Variants in MED13L observed in about 807,000 individuals in gnomAD.
MED13L encodes the protein mediator of RNA polymerase II transcription subunit 13-like.
Under a neutral mutation model 220.9 loss-of-function variants are expected in MED13L, and 7 were observed. That is an observed-to-expected ratio of 0.03 (90% CI 0.02 to 0.06). The LOEUF (loss-of-function observed/expected upper bound fraction) is 0.06, where lower values mean the gene tolerates loss of function less well. Among genes scored for constraint, MED13L ranks in the 10% least tolerant of loss-of-function variants. The pLI, the probability that MED13L is intolerant of heterozygous loss-of-function variation, is 1.00. For missense variants in MED13L, 1,965 were observed against 2,760.5 expected, an observed-to-expected ratio of 0.71 and a Z score of 6.46; for synonymous variants, 1,011 against 1,015.2, an observed-to-expected ratio of 1.00 and a Z score of 0.08.
intron 4 of MED13L, among the ~76,000 whole-genome samples, chr12:116,067,937 G>C (rs1259252957): frequency 6.6e-6 from 1 of 152,156 alleles, no homozygotes; most frequent in Admixed American, 6.5e-5. Context: ...AATTACACTA[G>C]CTTATCCAAA....
chr12:116,230,340 C>T, intron 2 of MED13L: 1 of 289,722 alleles, frequency 3.5e-6, no homozygotes, highest in Non-Finnish European at 5.2e-6. Flanking sequence ...GCAGAGGCTG[C>T]CATGAGCCAA....
intron 7 of MED13L, among the ~76,000 whole-genome samples, chr12:116,016,303 A>C (rs913076060): frequency 2.0e-5 from 3 of 151,918 alleles, no homozygotes; most frequent in African/African-American, 7.2e-5. Context: ...ACGTCTATTT[A>C]AAAAAAAGAC....
At chr12:116,180,565 G>T (rs562273840) in intron 2 of MED13L, among the ~76,000 whole-genome samples, 1 of 152,118 alleles carries the variant, frequency 6.6e-6, no homozygotes, top group Non-Finnish European at 1.5e-5. Flanking sequence ...GGTCCCAAGC[G>T]TTTCAAATAG....
At chr12:116,092,493 G>A (rs557691087) in intron 4 of MED13L, among the ~76,000 whole-genome samples, 3 of 152,232 alleles carry the variant, frequency 2.0e-5, no homozygotes, top group South Asian at 4.1e-4. Context: ...GGAGATAAAG[G>A]GGAGGGGAGG....
At chr12:116,257,253 T>C (rs1400672364) in intron 1 of MED13L, among the ~76,000 whole-genome samples, 2 of 152,210 alleles carry the variant, frequency 1.3e-5, no homozygotes, top group Non-Finnish European at 2.9e-5. Flanking sequence ...GTATATTATT[T>C]ACGAGGCAGG....
At chr12:116,034,419 A>C (rs1881047795) in intron 4 of MED13L, among the ~76,000 whole-genome samples, 3 of 152,182 alleles carry the variant, frequency 2.0e-5, no homozygotes, top group South Asian at 4.1e-4. Flanking sequence ...TAAAGCTCTG[A>C]TAGTCCAGCG....
At chr12:116,098,644 T>G (rs1305331950) in intron 3 of MED13L, among the ~76,000 whole-genome samples, 1 of 152,160 alleles carries the variant, frequency 6.6e-6, no homozygotes, top group Non-Finnish European at 1.5e-5. Flanking sequence ...GGAGAACCAA[T>G]GTACCAAAAA....
At chr12:116,171,450 A>G (rs1303716867) in intron 2 of MED13L, among the ~76,000 whole-genome samples, 3 of 152,222 alleles carry the variant, frequency 2.0e-5, no homozygotes, top group Non-Finnish European at 4.4e-5. Flanking sequence ...TTCTGCCTAC[A>G]GTGGAAACTA....
In MED13L at chr12:116,120,477, TCACACACACACACACACACACACACA is replaced by T. The variant is rs1158069310; in HGVS notation, c.311-8991_311-8966del. Among the ~76,000 whole-genome samples the T allele has an allele frequency of 2.8e-4, 22 of 79,470 alleles. No homozygotes were observed. In the East Asian group the frequency reaches 8.9e-3, roughly 32 times the overall value. 52.1% of individuals were successfully genotyped at this position (79,470 alleles called of 152,430 possible). A position where few individuals can be genotyped will look rare whatever the true frequency, so the allele number is the denominator to read the frequency against. ...CTCTCTCTCTCTCTCTCTCTCTCTC[TCACACACACACACACACACACACACA>T]CACACACACACACACACAGAGTAAG... is the stretch of plus-strand genomic sequence containing the variant. On this transcript the variant is annotated intron_variant, in intron 2 of 30. Coordinates refer to ENST00000281928, the MANE Select transcript of MED13L (RefSeq NM_015335.5).
intron 1 of MED13L, among the ~76,000 whole-genome samples, chr12:116,267,068 T>C (rs1255854625): frequency 6.6e-6 from 1 of 152,292 alleles, no homozygotes; most frequent in African/African-American, 2.4e-5. Flanking sequence ...AATCTCAAAG[T>C]GTTAATAGAA....
rs773216331 is a variant in MED13L, at chr12:116,156,281, GCA to G, written c.311-44771_311-44770del. ...TTATAACTTACAACTTTCCACTGAA[GCA>G]TATATTATACATAAGATATGAGTAC... On this transcript the variant is annotated intron_variant, in intron 2 of 30. Coordinates refer to ENST00000281928, the MANE Select transcript of MED13L (RefSeq NM_015335.5). Among the ~76,000 whole-genome samples, 9 of 150,748 alleles carry G rather than the reference GCA, an allele frequency of 6.0e-5. No individual in the cohort carries two copies. In the East Asian group the frequency reaches 9.7e-4, roughly 16 times the overall value.
rs537000837 is a variant in MED13L at position 116,208,391 on chromosome 12, C to T, written c.310+29077G>A. On this transcript the variant is annotated intron_variant, in intron 2 of 30. Coordinates refer to ENST00000281928, the MANE Select transcript of MED13L (RefSeq NM_015335.5). Reference sequence around the variant, plus strand: ...AGCTTGGGCAACAAGAGCAAAACTCCGTCTCAAAACAAAAGGATAACAACT... The same window carrying T: ...AGCTTGGGCAACAAGAGCAAAACTCTGTCTCAAAACAAAAGGATAACAACT... 2.7e-5 allele frequency among the ~76,000 whole-genome samples: 4 copies of T among 150,580 alleles called. No homozygotes were observed. In the South Asian group the frequency reaches 8.4e-4, roughly 32 times the overall value.
At position 115,968,584 on chromosome 12, in the gene MED13L, C is replaced by T. The variant is rs1450179428; in HGVS notation, c.6225+356G>A. ...ATGTTGAGTAAGTACGGTTGTTGTA[C>T]TAATCTCTTAAAAGCCACTATTTTG... is the stretch of plus-strand genomic sequence containing the variant. On this transcript the variant is annotated intron_variant, in intron 28 of 30. Transcript: ENST00000281928. Among the ~76,000 whole-genome samples, 19 of 152,148 alleles carry T rather than the reference C, an allele frequency of 1.2e-4. 1 individual carries two copies. The highest frequency in any genetic ancestry group is 1.2e-3 in the Admixed American group (19 of 15,282).
chr12:116,268,525 C>A (rs574037090), intron 1 of MED13L, among the ~76,000 whole-genome samples: 2 of 152,196 alleles, frequency 1.3e-5, no homozygotes, highest in Admixed American at 1.3e-4. Context: ...CATACTCACA[C>A]CTGTAATCCC....
Position 115,984,306 on chromosome 12 carries a change from T to C in MED13L, c.4405A>G (p.Lys1469Glu), listed in dbSNP as rs1249794982. The stretch of plus-strand genomic sequence containing the variant: ...TCTGTCAGCTTCTGTGCCACAGTTT[T>C]TCCCACGCGCATGATCCCGTCACGT... Reference protein sequence around the residue: ...VLRDGIMRVGKTVAQKLTDEL... With the variant: ...VLRDGIMRVGETVAQKLTDEL... The change falls in exon 20 of 31, where the codon AAA becomes GAA. Residue 1469 changes from lysine to glutamate, a missense_variant. By Grantham distance (56) the Lys-to-Glu change is moderately conservative. Transcript: ENST00000281928. 5.0e-6 allele frequency: 8 copies of C among 1,614,126 alleles called. No homozygotes were observed. Among genetic ancestry groups the C allele is most frequent in the Non-Finnish European group, 5.9e-6 (7 of 1,180,014 alleles).
chr12:116,077,871 G>A (rs1035406887), intron 4 of MED13L, among the ~76,000 whole-genome samples: 1 of 152,146 alleles, frequency 6.6e-6, no homozygotes, highest in Admixed American at 6.5e-5. Flanking sequence ...TAAAATAATT[G>A]GCCGGGCACT....
intron 1 of MED13L, among the ~76,000 whole-genome samples, chr12:116,253,769 T>G (rs1306032802): frequency 4.9e-5 from 7 of 141,654 alleles, no homozygotes; most frequent in East Asian, 4.0e-4. Context: ...TTTTTTTTTT[T>G]TTTTTTTTTT....
At chr12:116,095,270 C>CA (rs1184809804) in intron 4 of MED13L, among the ~76,000 whole-genome samples, 1 of 152,166 alleles carries the variant, frequency 6.6e-6, no homozygotes, top group Non-Finnish European at 1.5e-5. Flanking sequence ...CCCATTTCAT[C>CA]AAAGTATCTG....
At chr12:115,969,981 T>A (rs574253313) in intron 27 of MED13L, among the ~76,000 whole-genome samples, 3 of 152,350 alleles carry the variant, frequency 2.0e-5, no homozygotes, top group African/African-American at 7.2e-5. Context: ...CTCATATATT[T>A]GTTATTCTAT....
Sources: allele counts gnomAD v4.1 joint callset (sites outside exome capture counted in the v4.1 genomes callset), GRCh38; gene constraint gnomAD v4.1.1; transcripts MANE v1.5; gene names NCBI Gene and HGNC (gene_info 2026-07-23, HGNC 2026-07-21).